The following CIMAP3 variants were observed in gnomAD, a reference collection of about 807,000 sequenced individuals.
The protein encoded by CIMAP3 is ciliary microtubule associated protein 3.
the CIMAP3 span, among the ~76,000 whole-genome samples, chr1:111,330,776 G>A: frequency 6.6e-6 from 1 of 152,244 alleles, no homozygotes; most frequent in South Asian, 2.1e-4. Flanking sequence ...GTCTCCTGGG[G>A]GCTCCACCCC....
At chr1:111,334,055 G>A in the CIMAP3 span, among the ~76,000 whole-genome samples, 3 of 152,152 alleles carry the variant, frequency 2.0e-5, no homozygotes, top group African/African-American at 7.2e-5. Context: ...GGTAATCACA[G>A]TGTTTTTTGA....
At chr1:111,331,757 A>G in the CIMAP3 span, among the ~76,000 whole-genome samples, 1 of 151,714 alleles carries the variant, frequency 6.6e-6, no homozygotes, top group Non-Finnish European at 1.5e-5. Context: ...GGGTGGTGAC[A>G]TGTTTTCTTG....
chr1:111,342,631 C>T, the CIMAP3 span, among the ~76,000 whole-genome samples: 1 of 152,184 alleles, frequency 6.6e-6, no homozygotes, highest in Non-Finnish European at 1.5e-5. Flanking sequence ...ATCCTGCCTC[C>T]TCCCTTTGCC....
chr1:111,335,801 C>A, the CIMAP3 span, among the ~76,000 whole-genome samples: 1 of 152,260 alleles, frequency 6.6e-6, no homozygotes, highest in African/African-American at 2.4e-5. Flanking sequence ...GCAGCAGTAA[C>A]CTCTGCAGAC....
At chr1:111,351,095 T>C in the CIMAP3 span, among the ~76,000 whole-genome samples, 1 of 151,754 alleles carries the variant, frequency 6.6e-6, no homozygotes, top group Non-Finnish European at 1.5e-5. Flanking sequence ...AGGGTAGATG[T>C]ACATACAAAT....
the CIMAP3 span, among the ~76,000 whole-genome samples, chr1:111,344,190 A>C: frequency 1.3e-5 from 2 of 152,230 alleles, no homozygotes; most frequent in Non-Finnish European, 2.9e-5. Context: ...ATTACATGCA[A>C]TAAGGATAGA....
chr1:111,347,641 G>GTTTTTTTTTTTTTTT, the CIMAP3 span: 1 of 1,071,198 alleles, frequency 9.3e-7, no homozygotes, highest in Non-Finnish European at 1.3e-6. Flanking sequence ...TTTTTTTGGT[G>GTTTTTTTTTTTTTTT]TTTTTGTTTG....
At chr1:111,352,185 C>G in the CIMAP3 span, 1 of 152,382 alleles carries the variant, frequency 6.6e-6, no homozygotes, top group East Asian at 1.9e-4. Flanking sequence ...GAGATAGACC[C>G]CTTTCTTTCC....
At chr1:111,346,083 T>C in the CIMAP3 span, among the ~76,000 whole-genome samples, 1 of 152,110 alleles carries the variant, frequency 6.6e-6, no homozygotes, top group Admixed American at 6.5e-5. Context: ...AGGCCTCCAG[T>C]TCTTTTAAAA....
At chr1:111,325,967 C>A in the CIMAP3 span, among the ~76,000 whole-genome samples, 2 of 152,048 alleles carry the variant, frequency 1.3e-5, no homozygotes, top group East Asian at 1.9e-4. Context: ...AATACCTAGA[C>A]AAATTACAAG....
At chr1:111,347,675 GA>G in the CIMAP3 span, 1 of 1,594,518 alleles carries the variant, frequency 6.3e-7, no homozygotes, top group Non-Finnish European at 8.6e-7. Context: ...CACCCAAAGG[GA>G]TATGGCTTGG....
chr1:111,352,397 C>T, the CIMAP3 span: 1 of 152,630 alleles, frequency 6.6e-6, no homozygotes, highest in Admixed American at 6.5e-5. Flanking sequence ...CCCTCATGGC[C>T]ACCCCCTGAT....
chr1:111,327,200 T>C, the CIMAP3 span, among the ~76,000 whole-genome samples: 2,102 of 152,278 alleles, frequency 0.014, 58 homozygotes, highest in African/African-American at 0.047. Context: ...TGTTTTCTTC[T>C]AGTAGTTTTA....
chr1:111,348,385 G>T, the CIMAP3 span: 1 of 961,780 alleles, frequency 1.0e-6, no homozygotes. Flanking sequence ...TATTTCTGTA[G>T]CTTGAGGTGG....
the CIMAP3 span, chr1:111,324,766 C>T: frequency 1.0e-6 from 1 of 985,256 alleles, no homozygotes; most frequent in African/African-American, 1.7e-5. Context: ...CCCTGAGGAC[C>T]TGTTCTTGCC....
At chr1:111,342,122 T>C in the CIMAP3 span, among the ~76,000 whole-genome samples, 3 of 152,160 alleles carry the variant, frequency 2.0e-5, no homozygotes, top group South Asian at 4.2e-4. Flanking sequence ...CCCCAAGGAA[T>C]AAACTCTCAA....
the CIMAP3 span, among the ~76,000 whole-genome samples, chr1:111,332,175 G>A: frequency 6.6e-6 from 1 of 152,316 alleles, no homozygotes; most frequent in East Asian, 1.9e-4. Flanking sequence ...TGGGCATGTG[G>A]TTACTTGGAG....
chr1:111,331,258 C>T, the CIMAP3 span, among the ~76,000 whole-genome samples: 2 of 152,170 alleles, frequency 1.3e-5, no homozygotes, highest in East Asian at 1.9e-4. Context: ...TTTCCCTAGA[C>T]TTGGGAAGTT....
At chr1:111,338,895 C>G in the CIMAP3 span, among the ~76,000 whole-genome samples, 1 of 152,112 alleles carries the variant, frequency 6.6e-6, no homozygotes, top group Non-Finnish European at 1.5e-5. Context: ...GGCGGAGACA[C>G]AACCAAAAAA....
Sources: gnomAD v4.1 joint callset for allele counts (sites outside exome capture counted in the v4.1 genomes callset) on GRCh38, gnomAD v4.1.1 for gene constraint, MANE v1.5 for transcripts, NCBI Gene and HGNC (gene_info 2026-07-23, HGNC 2026-07-21) for gene names.